Variants in RGS16 observed in about 807,000 individuals in gnomAD.
RGS16 encodes hRGS-r.
Under a neutral mutation model 18.1 loss-of-function variants are expected in RGS16, and 12 were observed. The ratio of observed to expected loss-of-function variants is 0.66; its 90% CI spans 0.42 to 1.07. RGS16 has a LOEUF of 1.07. Ranked by LOEUF, RGS16 falls within the 50% of genes least tolerant of loss-of-function variation. The pLI, the probability that RGS16 is intolerant of heterozygous loss-of-function variation, is 0.00. For missense variants in RGS16, 238 were observed against 249.2 expected, an observed-to-expected ratio of 0.95 and a Z score of 0.30; for synonymous variants, 88 against 102.0, an observed-to-expected ratio of 0.86 and a Z score of 0.83.
rs751809182 is a variant in RGS16, at chr1:182,600,380, G to A, written c.521C>T (p.Ser174Leu). The A allele has an allele frequency of 6.2e-6, 10 of 1,613,862 alleles. No individual in the cohort carries two copies. In the South Asian group the frequency reaches 6.6e-5, roughly 11 times the overall value. ...EKDSYPRFLK[S>L]PAYRDLAAQA... ...GGCAGCCAGGTCCCGGTAAGCAGGCGACTTCAGGAAGCGTGGGTAGGAGTC... is the reference window on the plus strand; with the variant it reads ...GGCAGCCAGGTCCCGGTAAGCAGGCAACTTCAGGAAGCGTGGGTAGGAGTC... Residue 174 changes from serine (S) to leucine (L), a missense_variant, in exon 5 of 5, where the codon TCG becomes TTG. Transcript: ENST00000367558.
In RGS16 at chr1:182,603,308, AGAT is replaced by A; in HGVS notation, c.73_75del (p.Ile25del). ...CAGCCCAGCTCTGATTTGTGAAGAAAGATCCCCAGACGTGTCTTGAACTCTTTG... is the reference window on the plus strand; with the variant it reads ...CAGCCCAGCTCTGATTTGTGAAGAAACCCCAGACGTGTCTTGAACTCTTTG... On this transcript the variant is annotated inframe_deletion, in exon 2 of 5. Coordinates refer to ENST00000367558, the MANE Select transcript of RGS16 (RefSeq NM_002928.4). 6.2e-7 allele frequency: 1 copy of A among 1,614,172 alleles called. No individual in the cohort carries two copies. Among genetic ancestry groups the A allele is most frequent in the South Asian group, 1.1e-5 (1 of 91,080 alleles).
In RGS16 at chr1:182,600,418, G is replaced by C. The variant is rs1455818870; in HGVS notation, c.483C>G (p.Thr161=). 4 of 1,613,982 alleles carry C rather than the reference G, an allele frequency of 2.5e-6. No individual in the cohort carries two copies. Among genetic ancestry groups the C allele is most frequent in the Non-Finnish European group, 3.4e-6 (4 of 1,179,982 alleles). ...CFDAAQGKTR[T]LMEKDSYPRF... The stretch of plus-strand genomic sequence containing the variant: ...GTGGGTAGGAGTCCTTCTCCATCAG[G>C]GTACGTGTCTTCCCCTGAGCCGCAT... The change falls in exon 5 of 5, where the codon ACC becomes ACG. Residue 161 remains threonine (T), a synonymous_variant. Transcript: ENST00000367558.
chr1:182,603,654 A>G (rs1661903403), intron 1 of RGS16, among the ~76,000 whole-genome samples: 1 of 152,216 alleles, frequency 6.6e-6, no homozygotes, highest in Non-Finnish European at 1.5e-5. Context: ...AAAAGAACTC[A>G]GCATTCTTTT....
At chr1:182,603,829 AT>A (rs888674880) in intron 1 of RGS16, among the ~76,000 whole-genome samples, 2 of 151,912 alleles carry the variant, frequency 1.3e-5, no homozygotes, top group African/African-American at 4.8e-5. Context: ...AAAAAAAAAA[AT>A]CTCCCTGTCT....
intron 4 of RGS16, 108 bp from the exon 5 acceptor site, chr1:182,600,621 A>G (rs956787913): frequency 4.7e-6 from 4 of 856,784 alleles, no homozygotes; most frequent in Non-Finnish European, 7.7e-6. Flanking sequence ...ATGCTGCATC[A>G]GGAAGTGGGG....
chr1:182,602,577 C>CA (rs773490309), intron 2 of RGS16, 93 bp from the exon 3 acceptor site: 55 of 1,026,180 alleles, frequency 5.4e-5, no homozygotes, highest in Middle Eastern at 2.4e-4. Flanking sequence ...TGGAAAACTG[C>CA]ATAAAATTCA....
intron 1 of RGS16, among the ~76,000 whole-genome samples, chr1:182,603,780 C>T (rs543723346): frequency 1.8e-4 from 27 of 151,860 alleles, no homozygotes; most frequent in Admixed American, 5.9e-4. Flanking sequence ...TGGACACACC[C>T]TCAACAGTGG....
chr1:182,604,196 G>A lies in RGS16; in HGVS notation c.44+20C>T. 1 of 1,551,580 alleles carries A rather than the reference G, an allele frequency of 6.4e-7. No homozygotes were observed. The highest frequency in any genetic ancestry group is 1.2e-5 in the South Asian group (1 of 84,068). On this transcript the variant is annotated intron_variant, in intron 1 of 4. Transcript: ENST00000367558. Reference sequence around the variant, plus strand: ...GAGTTGGTGGGACTTCCCCCAAGCAGTTGGACAACCTCCCCTTACCTCTCC... The same window carrying A: ...GAGTTGGTGGGACTTCCCCCAAGCAATTGGACAACCTCCCCTTACCTCTCC...
At position 182,598,786 on chromosome 1, in the gene RGS16, A is replaced by C. The variant is rs1661809338; in HGVS notation, c.*1506T>G. The C allele has an allele frequency of 6.5e-6, 1 of 152,674 alleles. No individual in the cohort carries two copies. The highest frequency in any genetic ancestry group is 1.5e-5 in the Non-Finnish European group (1 of 68,056). 9.5% of individuals were successfully genotyped at this position (152,674 alleles called of 1,614,324 possible). ...TGACAGGCTCCAAGAGGTTCCCAGC[A>C]CATTCAGAGGTAGAGTCTGGTAGAG... On this transcript the variant is annotated 3_prime_UTR_variant, in exon 5 of 5. Coordinates refer to ENST00000367558, the MANE Select transcript of RGS16 (RefSeq NM_002928.4).
rs915918621 is a variant in RGS16 at position 182,603,096 on chromosome 1, C to A, written c.155+133G>T. 9.9e-6 allele frequency: 7 copies of A among 707,376 alleles called. No individual in the cohort carries two copies. The African/African-American group carries it at 1.1e-4, about 11-fold the overall frequency. The allele number at this position is 707,376 out of a possible 1,614,324, so 43.8% of individuals were successfully genotyped here. On this transcript the variant is annotated intron_variant, in intron 2 of 4. Coordinates refer to ENST00000367558, the MANE Select transcript of RGS16 (RefSeq NM_002928.4). The stretch of plus-strand genomic sequence containing the variant: ...TAGTCATAACAGACCAGCAACAAGT[C>A]CCACTAAAATCTCTAGGGAGGTGTT...
chr1:182,600,342 C>A lies in RGS16; in HGVS notation c.559G>T (p.Ala187Ser). The A allele has an allele frequency of 6.2e-7, 1 of 1,613,844 alleles. No individual in the cohort carries two copies. Among genetic ancestry groups the A allele is most frequent in the Non-Finnish European group, 8.5e-7 (1 of 1,179,950 alleles). ...YRDLAAQASAASATLSSCSLD... is the reference protein window; with the variant it reads ...YRDLAAQASASSATLSSCSLD... ...CTGCAGCTGGACAGAGTGGCAGAGG[C>A]GGCTGAGGCTTGGGCAGCCAGGTCC... Residue 187 changes from alanine (A) to serine (S), a missense_variant, in exon 5 of 5, where the codon GCC (alanine) becomes TCC (serine). Coordinates refer to ENST00000367558, the MANE Select transcript of RGS16 (RefSeq NM_002928.4).
At chr1:182,601,461 AAAC>A (rs1423032497) in intron 4 of RGS16, among the ~76,000 whole-genome samples, 1 of 152,240 alleles carries the variant, frequency 6.6e-6, no homozygotes, top group Non-Finnish European at 1.5e-5. Context: ...AGCGGTCAGA[AAAC>A]AAAAATAAGG....
intron 1 of RGS16, 108 bp downstream of exon 1, chr1:182,604,108 A>C (rs1324453525): frequency 2.6e-6 from 3 of 1,141,878 alleles, no homozygotes; most frequent in Non-Finnish European, 3.8e-6. Context: ...CTCTCTACTC[A>C]AGCCTCTAGC....
In RGS16 at chr1:182,604,330, G is replaced by T. The variant is rs918719468; in HGVS notation, c.-71C>A. ...CTCCAGGAGGCTCCGCGTGCGCCAG[G>T]AAGCAAAGGCGCGGTAGCAGGTGCT... On this transcript the variant is annotated 5_prime_UTR_variant, in exon 1 of 5. Transcript: ENST00000367558. 3 of 1,464,788 alleles carry T rather than the reference G, an allele frequency of 2.0e-6. No homozygotes were observed. The Admixed American group carries it at 6.6e-5, about 32-fold the overall frequency. The allele number at this position is 1,464,788 out of a possible 1,614,324, so 90.7% of individuals were successfully genotyped here.
At chr1:182,604,150 G>A (rs1318246584) in intron 1 of RGS16, 66 bp downstream of exon 1, 7 of 1,528,066 alleles carry the variant, frequency 4.6e-6, no homozygotes, top group South Asian at 1.2e-5. Context: ...AGGTCCCCAG[G>A]CCTGCCGCTC....
intron 2 of RGS16, among the ~76,000 whole-genome samples, 187 bp downstream of exon 2, chr1:182,603,042 G>A (rs985270683): frequency 1.6e-4 from 25 of 152,194 alleles, no homozygotes; most frequent in African/African-American, 2.4e-5. Context: ...GAGCCCTGGA[G>A]CCACCTACCC....
intron 1 of RGS16, among the ~76,000 whole-genome samples, chr1:182,603,579 A>G (rs959863618): frequency 6.6e-6 from 1 of 152,218 alleles, no homozygotes; most frequent in African/African-American, 2.4e-5. Context: ...TGGGTAATAC[A>G]CACGCTGCAT....
At position 182,604,364 on chromosome 1, in the gene RGS16, G is replaced by A; in HGVS notation, c.-105C>T. On this transcript the variant is annotated 5_prime_UTR_variant, in exon 1 of 5. Transcript: ENST00000367558. The stretch of plus-strand genomic sequence containing the variant: ...GCGCGGTAGCAGGTGCTAGTCAACT[G>A]CGGTTGGGTTTAGCAGCCTGCAAGC... 3.3e-6 allele frequency: 4 copies of A among 1,217,972 alleles called. No individual in the cohort carries two copies. The highest frequency in any genetic ancestry group is 4.5e-6 in the Non-Finnish European group (4 of 886,560). The allele number at this position is 1,217,972 out of a possible 1,614,324, so 75.4% of individuals were successfully genotyped here.
At chr1:182,601,453 C>T (rs1052538211) in intron 4 of RGS16, among the ~76,000 whole-genome samples, 1 of 152,186 alleles carries the variant, frequency 6.6e-6, no homozygotes, top group African/African-American at 2.4e-5. Context: ...AATCAATCAG[C>T]GGTCAGAAAA....
Sources: allele counts gnomAD v4.1 joint callset (sites outside exome capture counted in the v4.1 genomes callset), GRCh38; gene constraint gnomAD v4.1.1; transcripts MANE v1.5; gene names NCBI Gene and HGNC (gene_info 2026-07-23, HGNC 2026-07-21).